HS3ST4: variants seen among roughly 807,000 people sequenced by gnomAD.
HS3ST4 encodes the protein heparan sulfate glucosamine 3-O-sulfotransferase 4.
A neutral mutation model predicts 29.2 loss-of-function variants in HS3ST4; 17 were observed. The ratio of observed to expected loss-of-function variants is 0.58; its 90% CI spans 0.40 to 0.87. The LOEUF (loss-of-function observed/expected upper bound fraction) is 0.87, where lower values mean the gene tolerates loss of function less well. Among genes scored for constraint, HS3ST4 ranks in the 40% least tolerant of loss-of-function variants. The pLI is 0.00. For missense variants in HS3ST4, 627 were observed against 634.5 expected, an observed-to-expected ratio of 0.99 and a Z score of 0.13; for synonymous variants, 314 against 285.7, an observed-to-expected ratio of 1.10 and a Z score of -1.00.
intron 1 of HS3ST4, among the ~76,000 whole-genome samples, chr16:25,761,558 T>G (rs1275618324): frequency 6.6e-6 from 1 of 152,212 alleles, no homozygotes; most frequent in Non-Finnish European, 1.5e-5. Context: ...GAGTTGACTT[T>G]GTTGGATGGA....
intron 1 of HS3ST4, among the ~76,000 whole-genome samples, chr16:26,103,090 A>T (rs1213516951): frequency 6.6e-6 from 1 of 152,144 alleles, no homozygotes; most frequent in Non-Finnish European, 1.5e-5. Context: ...ACCATATCTG[A>T]TTGCAAGGGA....
chr16:25,862,209 T>A (rs1596594568), intron 1 of HS3ST4, among the ~76,000 whole-genome samples: 1 of 81,768 alleles, frequency 1.2e-5, no homozygotes, highest in South Asian at 4.2e-4. Context: ...TTATTTATTT[T>A]TAAGACAGAG....
At chr16:26,042,374 G>T (rs187400481) in intron 1 of HS3ST4, among the ~76,000 whole-genome samples, 1 of 152,220 alleles carries the variant, frequency 6.6e-6, no homozygotes, top group African/African-American at 2.4e-5. Flanking sequence ...GTGTGTGTGT[G>T]TGTGTGTGTT....
At chr16:26,023,224 C>G (rs1969432553) in intron 1 of HS3ST4, among the ~76,000 whole-genome samples, 2 of 152,044 alleles carry the variant, frequency 1.3e-5, no homozygotes, top group Admixed American at 1.3e-4. Context: ...ATTTGTACCA[C>G]TTACTTTCCC....
At chr16:26,106,321 C>T (rs566104707) in intron 1 of HS3ST4, among the ~76,000 whole-genome samples, 5 of 152,274 alleles carry the variant, frequency 3.3e-5, no homozygotes, top group African/African-American at 1.2e-4. Flanking sequence ...ACTTGTCCAC[C>T]CACCCTACTC....
chr16:25,915,894 A>G (rs543669293), intron 1 of HS3ST4, among the ~76,000 whole-genome samples: 1 of 152,350 alleles, frequency 6.6e-6, no homozygotes, highest in Admixed American at 6.5e-5. Flanking sequence ...GATCTGGAAG[A>G]AAAAGAAGTT....
At chr16:26,021,116 A>C (rs144283948) in intron 1 of HS3ST4, among the ~76,000 whole-genome samples, 250 of 152,372 alleles carry the variant, frequency 1.6e-3, no homozygotes, top group African/African-American at 5.8e-3. Flanking sequence ...TGATCACTGC[A>C]AACACATACA....
intron 1 of HS3ST4, among the ~76,000 whole-genome samples, chr16:25,772,526 G>C (rs994033750): frequency 6.6e-6 from 1 of 152,164 alleles, no homozygotes; most frequent in Non-Finnish European, 1.5e-5. Context: ...GTTGATCCAA[G>C]TGAAAATGTT....
At chr16:25,840,150 C>T (rs1967398725) in intron 1 of HS3ST4, among the ~76,000 whole-genome samples, 1 of 152,164 alleles carries the variant, frequency 6.6e-6, no homozygotes, top group African/African-American at 2.4e-5. Context: ...TACTGATACT[C>T]ACTGGTGCAT....
Position 25,976,049 on chromosome 16 carries a change from T to C in HS3ST4, c.735-159563T>C, listed in dbSNP as rs111660867. Among the ~76,000 whole-genome samples the C allele has an allele frequency of 2.5e-3, 386 of 152,312 alleles. 1 individual carries two copies. Among genetic ancestry groups the C allele is most frequent in the Non-Finnish European group, 4.2e-3 (284 of 68,032 alleles). ...AATAAGTTGAATAATGTTGCCAGCT[T>C]AATTTCTTCAAAGTTTGTCCCGGTT... On this transcript the variant is annotated intron_variant, in intron 1 of 1. Transcript: ENST00000331351.
intron 1 of HS3ST4, among the ~76,000 whole-genome samples, chr16:25,958,109 A>G (rs1351572914): frequency 1.3e-5 from 2 of 152,098 alleles, no homozygotes; most frequent in Non-Finnish European, 2.9e-5. Context: ...GACTCTGGGT[A>G]CTCCACAGGG....
At chr16:25,881,643 G>T (rs1193623833) in intron 1 of HS3ST4, among the ~76,000 whole-genome samples, 1 of 152,080 alleles carries the variant, frequency 6.6e-6, no homozygotes, top group Non-Finnish European at 1.5e-5. Flanking sequence ...TCATCGTGGG[G>T]CTCTTATCAG....
At chr16:25,706,182 A>G (rs1966374810) in intron 1 of HS3ST4, among the ~76,000 whole-genome samples, 1 of 152,172 alleles carries the variant, frequency 6.6e-6, no homozygotes, top group African/African-American at 2.4e-5. Flanking sequence ...TACCGAAACA[A>G]CATAAAAACC....
At chr16:26,133,845 A>G (rs535244725) in intron 1 of HS3ST4, among the ~76,000 whole-genome samples, 3 of 152,344 alleles carry the variant, frequency 2.0e-5, no homozygotes, top group African/African-American at 7.2e-5. Flanking sequence ...TCATCATAAC[A>G]AAGAGGTCTT....
In HS3ST4 at chr16:25,951,649, C is replaced by T. The variant is rs1007480162; in HGVS notation, c.735-183963C>T. On this transcript the variant is annotated intron_variant, in intron 1 of 1. Transcript: ENST00000331351. ...TACTTCAGCTCTTGGGGTTAAGGTG[C>T]GCCAGCCCCAAACTATACTCCAATT... Among the ~76,000 whole-genome samples the T allele has an allele frequency of 2.6e-5, 4 of 152,254 alleles. No homozygotes were observed. In the East Asian group the frequency reaches 7.7e-4, roughly 29 times the overall value.
At chr16:25,984,836 G>A (rs563189279) in intron 1 of HS3ST4, among the ~76,000 whole-genome samples, 8 of 152,090 alleles carry the variant, frequency 5.3e-5, no homozygotes, top group Non-Finnish European at 1.0e-4. Flanking sequence ...TCCTGCAGTG[G>A]TTCTTGATCC....
intron 1 of HS3ST4, among the ~76,000 whole-genome samples, chr16:26,103,220 C>A (rs966850981): frequency 3.3e-5 from 5 of 152,072 alleles, no homozygotes; most frequent in African/African-American, 4.8e-5. Flanking sequence ...ACCCTAATAA[C>A]AATAAGGTAA....
At chr16:26,087,179 T>A (rs1898800469) in intron 1 of HS3ST4, among the ~76,000 whole-genome samples, 2 of 152,202 alleles carry the variant, frequency 1.3e-5, no homozygotes, top group African/African-American at 4.8e-5. Context: ...TGATGGGACT[T>A]AGATTTATGT....
chr16:26,062,561 T>A, intron 1 of HS3ST4, among the ~76,000 whole-genome samples: 1 of 152,028 alleles, frequency 6.6e-6, no homozygotes. Context: ...CCTACCTTCC[T>A]CTATTTCGGA....
Sources: allele counts gnomAD v4.1 joint callset (sites outside exome capture counted in the v4.1 genomes callset), GRCh38; gene constraint gnomAD v4.1.1; transcripts MANE v1.5; gene names NCBI Gene and HGNC (gene_info 2026-07-23, HGNC 2026-07-21).